The following LMX1A variants were observed in gnomAD, a reference collection of about 807,000 sequenced individuals.
LMX1A encodes LIM homeobox transcription factor 1-alpha.
Under a neutral mutation model 49.1 loss-of-function variants are expected in LMX1A, and 15 were observed. The observed-to-expected ratio is 0.31, with a 90% CI of 0.20 to 0.47. LMX1A has a LOEUF of 0.47. Ranked by LOEUF, LMX1A falls within the 20% of genes least tolerant of loss-of-function variation. The pLI is 1.00. For missense variants in LMX1A, 372 were observed against 475.8 expected, an observed-to-expected ratio of 0.78 and a Z score of 2.03; for synonymous variants, 167 against 185.7, an observed-to-expected ratio of 0.90 and a Z score of 0.82.
intron 3 of LMX1A, among the ~76,000 whole-genome samples, chr1:165,304,119 G>GGCTC (rs373551993): frequency 1.3e-4 from 19 of 152,000 alleles, no homozygotes; most frequent in African/African-American, 4.6e-4. Flanking sequence ...GGTGAAGCCA[G>GGCTC]GCTCCACTCT....
At chr1:165,269,333 A>T (rs767225836) in intron 3 of LMX1A, among the ~76,000 whole-genome samples, 2 of 152,218 alleles carry the variant, frequency 1.3e-5, no homozygotes, top group Non-Finnish European at 2.9e-5. Context: ...AAACTAATAG[A>T]ATAAATGCAG....
chr1:165,268,810 T>C (rs1653703071), intron 3 of LMX1A, among the ~76,000 whole-genome samples: 1 of 152,234 alleles, frequency 6.6e-6, no homozygotes, highest in Admixed American at 6.5e-5. Context: ...AGTACACAGT[T>C]ATCCAGATAG....
intron 3 of LMX1A, among the ~76,000 whole-genome samples, chr1:165,293,147 A>G (rs575190349): frequency 6.6e-6 from 1 of 151,932 alleles, no homozygotes; most frequent in Non-Finnish European, 1.5e-5. Flanking sequence ...CAAAACAAAA[A>G]AAAAACCTTA....
At position 165,312,890 on chromosome 1, in the gene LMX1A, A is replaced by G. The variant is rs1386953133; in HGVS notation, c.263+40186T>C. Among the ~76,000 whole-genome samples the G allele has an allele frequency of 2.0e-5, 3 of 151,468 alleles. No homozygotes were observed. In the East Asian group the frequency reaches 5.9e-4, roughly 30 times the overall value. Reference sequence around the variant, plus strand: ...TTTTGGCTTGGTTTGTTATGTGCCAATGAATGATAGGAATTTATATTTAGA... The same window carrying G: ...TTTTGGCTTGGTTTGTTATGTGCCAGTGAATGATAGGAATTTATATTTAGA... On this transcript the variant is annotated intron_variant, in intron 3 of 8. Transcript: ENST00000342310.
intron 4 of LMX1A, among the ~76,000 whole-genome samples, chr1:165,217,332 C>A (rs1234818194): frequency 6.6e-6 from 1 of 152,098 alleles, no homozygotes; most frequent in African/African-American, 2.4e-5. Flanking sequence ...CTCAGCCTTG[C>A]CTGGGACATG....
Position 165,231,117 on chromosome 1 carries a change from T to TATTG in LMX1A, c.497-17305_497-17304insCAAT, listed in dbSNP as rs60293278. ...TTATTTATTTATTTATTTATTTATTTTTAAGTGATGGTTCTCAATCTTTTG... is the reference window on the plus strand; with the variant it reads ...TTATTTATTTATTTATTTATTTATTTATTGTTAAGTGATGGTTCTCAATCTTTTG... On this transcript the variant is annotated intron_variant, in intron 4 of 8. Transcript: ENST00000342310. Among the ~76,000 whole-genome samples the TATTG allele has an allele frequency of 5.9e-5, 9 of 151,520 alleles. No homozygotes were observed. The South Asian group carries it at 1.2e-3, about 21-fold the overall frequency.
chr1:165,294,704 C>T (rs1455956229), intron 3 of LMX1A, among the ~76,000 whole-genome samples: 1 of 152,250 alleles, frequency 6.6e-6, no homozygotes. Flanking sequence ...TGGCTCATGC[C>T]TGTAATCCCA....
At chr1:165,280,786 C>A (rs1654122876) in intron 3 of LMX1A, among the ~76,000 whole-genome samples, 1 of 152,214 alleles carries the variant, frequency 6.6e-6, no homozygotes, top group Non-Finnish European at 1.5e-5. Flanking sequence ...CAGTACTGAA[C>A]TTTATTATTA....
Position 165,355,663 on chromosome 1 carries a change from A to T in LMX1A, c.-22-82T>A. 9.5e-7 allele frequency: 1 copy of T among 1,054,146 alleles called. No individual in the cohort carries two copies. The highest frequency in any genetic ancestry group is 1.4e-6 in the Non-Finnish European group (1 of 698,518). The allele number at this position is 1,054,146 out of a possible 1,614,324, so 65.3% of individuals were successfully genotyped here. On this transcript the variant is annotated intron_variant, in intron 1 of 8. Transcript: ENST00000342310. The surrounding 1 kb of genome is among the most constrained non-coding windows in gnomAD (Gnocchi z 4.7). ...AGCAGCCACCGCACTCCTGGGAAAG[A>T]ACTGAGGGAGTGTCCAGGGCGACCA...
intron 3 of LMX1A, among the ~76,000 whole-genome samples, chr1:165,270,244 T>A (rs187218749): frequency 2.0e-5 from 3 of 152,210 alleles, no homozygotes; most frequent in African/African-American, 7.2e-5. Context: ...CATGGCTCTG[T>A]CCTCTCCACC....
At chr1:165,313,439 C>A (rs1655129046) in intron 3 of LMX1A, among the ~76,000 whole-genome samples, 2 of 146,608 alleles carry the variant, frequency 1.4e-5, no homozygotes, top group Non-Finnish European at 1.5e-5. Flanking sequence ...GATCAACCAA[C>A]TTCTTCATAC....
chr1:165,285,761 G>C (rs774727464), intron 3 of LMX1A, among the ~76,000 whole-genome samples: 2 of 152,304 alleles, frequency 1.3e-5, no homozygotes, highest in East Asian at 1.9e-4. Context: ...AAGCGTGTAA[G>C]CTTCTTTTCC....
At chr1:165,204,867 C>A (rs943939542) in intron 8 of LMX1A, among the ~76,000 whole-genome samples, 7 of 152,116 alleles carry the variant, frequency 4.6e-5, no homozygotes, top group African/African-American at 1.7e-4. Flanking sequence ...TCTAAGGAAG[C>A]CAAGAGGGTG....
chr1:165,282,128 A>G (rs1018371112), intron 3 of LMX1A, among the ~76,000 whole-genome samples: 1 of 152,030 alleles, frequency 6.6e-6, no homozygotes, highest in Non-Finnish European at 1.5e-5. Context: ...CCTTCTCCAC[A>G]CTCTCTGCCC....
chr1:165,307,233 A>T (rs1019227915), intron 3 of LMX1A, among the ~76,000 whole-genome samples: 3 of 152,224 alleles, frequency 2.0e-5, no homozygotes, highest in Non-Finnish European at 4.4e-5. Context: ...GAGAAAAAGA[A>T]AGTGGGAGCG....
At chr1:165,266,595 CTTTTT>C (rs61551654) in intron 3 of LMX1A, among the ~76,000 whole-genome samples, 12 of 79,182 alleles carry the variant, frequency 1.5e-4, no homozygotes, top group Non-Finnish European at 2.0e-4. Context: ...TTCTTTCTTT[CTTTTT>C]TTTTTTTTTT....
intron 5 of LMX1A, chr1:165,211,000 A>T: frequency 2.4e-6 from 1 of 422,568 alleles, no homozygotes; most frequent in Non-Finnish European, 4.2e-6. Flanking sequence ...ATTAATTTAC[A>T]TGTGCATTCC....
At chr1:165,352,937 G>T (rs762285102) in intron 3 of LMX1A, 139 bp downstream of exon 3, 26 of 906,564 alleles carry the variant, frequency 2.9e-5, no homozygotes, top group South Asian at 2.4e-4. Context: ...CAATGTACAC[G>T]ACTGCGCTGA....
intron 4 of LMX1A, among the ~76,000 whole-genome samples, chr1:165,227,966 T>G (rs1329666326): frequency 6.6e-6 from 1 of 152,214 alleles, no homozygotes; most frequent in East Asian, 1.9e-4. Context: ...AACATTTACT[T>G]ACTCCACATA....
Sources: allele counts gnomAD v4.1 joint callset (sites outside exome capture counted in the v4.1 genomes callset), GRCh38; gene constraint gnomAD v4.1.1; non-coding constraint Gnocchi (gnomAD v3.1); transcripts MANE v1.5; gene names NCBI Gene and HGNC (gene_info 2026-07-23, HGNC 2026-07-21).